CTIF: variants seen among roughly 807,000 people sequenced by gnomAD.
CTIF encodes the protein cap binding complex dependent translation initiation factor.
CTIF carries 21 observed loss-of-function variants against 66.0 expected under a neutral mutation model. That is an observed-to-expected ratio of 0.32 (90% CI 0.23 to 0.46). The LOEUF (loss-of-function observed/expected upper bound fraction) is 0.46. Among genes scored for constraint, CTIF ranks in the 20% least tolerant of loss-of-function variants. The probability of loss-of-function intolerance (pLI) is 1.00; values close to 1 mark genes in which losing one functional copy is unlikely to be tolerated. For missense variants in CTIF, 739 were observed against 812.7 expected, an observed-to-expected ratio of 0.91 and a Z score of 1.10; for synonymous variants, 345 against 326.4, an observed-to-expected ratio of 1.06 and a Z score of -0.62.
chr18:48,630,002 G>A (rs974812796), intron 2 of CTIF, among the ~76,000 whole-genome samples: 2 of 152,008 alleles, frequency 1.3e-5, no homozygotes, highest in East Asian at 1.9e-4. Flanking sequence ...AGTTACCCAC[G>A]GTCAACTACA....
At chr18:48,717,825 CAAGCA>C (rs1235659390) in intron 7 of CTIF, among the ~76,000 whole-genome samples, 1 of 152,168 alleles carries the variant, frequency 6.6e-6, no homozygotes, top group Non-Finnish European at 1.5e-5. Flanking sequence ...CTCCTGGCCT[CAAGCA>C]ATCCTCCTGC....
chr18:48,792,370 G>A lies in CTIF; in HGVS notation c.1372-24851G>A, dbSNP rs539493666. On this transcript the variant is annotated intron_variant, in intron 9 of 11. Coordinates refer to ENST00000256413, the MANE Select transcript of CTIF (RefSeq NM_014772.3). Reference sequence around the variant, plus strand: ...CTGGGATCTATAGGCTCACAAGGACGAGATTAGCTCTGAGAGGGGTGGGAT... The same window carrying A: ...CTGGGATCTATAGGCTCACAAGGACAAGATTAGCTCTGAGAGGGGTGGGAT... 2.7e-4 allele frequency among the ~76,000 whole-genome samples: 41 copies of A among 152,296 alleles called. No homozygotes were observed. In the South Asian group the frequency reaches 8.5e-3, roughly 32 times the overall value.
intron 1 of CTIF, among the ~76,000 whole-genome samples, chr18:48,573,534 A>G (rs556294296): frequency 1.7e-4 from 26 of 152,368 alleles, no homozygotes; most frequent in African/African-American, 5.8e-4. Context: ...ATTTAACAAG[A>G]TAAGTTTCAA....
chr18:48,747,211 G>A (rs1455842412), intron 7 of CTIF, among the ~76,000 whole-genome samples: 7 of 152,212 alleles, frequency 4.6e-5, no homozygotes, highest in African/African-American at 7.2e-5. Context: ...TCATTCGTTA[G>A]CTCAAACGTG....
intron 10 of CTIF, among the ~76,000 whole-genome samples, chr18:48,828,346 T>C (rs916113978): frequency 3.3e-5 from 5 of 152,140 alleles, no homozygotes; most frequent in African/African-American, 7.2e-5. Context: ...AATACAGAGA[T>C]TCAGAATGCA....
chr18:48,719,643 G>T (rs2092313985), intron 7 of CTIF, among the ~76,000 whole-genome samples: 1 of 152,170 alleles, frequency 6.6e-6, no homozygotes, highest in Non-Finnish European at 1.5e-5. Flanking sequence ...TGCCTGACCT[G>T]CAAGATCCCA....
At chr18:48,843,497 C>G (rs1233058491) in intron 10 of CTIF, among the ~76,000 whole-genome samples, 1 of 151,982 alleles carries the variant, frequency 6.6e-6, no homozygotes, top group Non-Finnish European at 1.5e-5. Context: ...GCCTCTCGAG[C>G]CCTCCTCCCC....
intron 9 of CTIF, among the ~76,000 whole-genome samples, chr18:48,780,982 A>G (rs1911154130): frequency 6.6e-6 from 1 of 152,150 alleles, no homozygotes; most frequent in South Asian, 2.1e-4. Context: ...ATCGCAAAAG[A>G]CTAGCAAGCC....
At chr18:48,625,975 C>T (rs1156767764) in intron 2 of CTIF, among the ~76,000 whole-genome samples, 1 of 149,980 alleles carries the variant, frequency 6.7e-6, no homozygotes, top group East Asian at 1.9e-4. Context: ...CATTTTAATT[C>T]ACATTGTCTT....
At chr18:48,857,247 G>A (rs1319366434) in intron 10 of CTIF, among the ~76,000 whole-genome samples, 1 of 152,238 alleles carries the variant, frequency 6.6e-6, no homozygotes, top group Middle Eastern at 3.2e-3. Context: ...CTGCTGACCA[G>A]TTGTTAACAC....
intron 6 of CTIF, among the ~76,000 whole-genome samples, chr18:48,671,084 G>A (rs2091526167): frequency 6.6e-6 from 1 of 152,194 alleles, no homozygotes; most frequent in Non-Finnish European, 1.5e-5. Context: ...GTCCTGTGGT[G>A]TGTTCAGGTG....
intron 9 of CTIF, among the ~76,000 whole-genome samples, chr18:48,786,683 T>C (rs1251062223): frequency 6.6e-6 from 1 of 152,170 alleles, no homozygotes; most frequent in Non-Finnish European, 1.5e-5. Flanking sequence ...TTTAAGTCAA[T>C]GTTTGCCCTT....
chr18:48,592,592 T>C (rs1305842824), intron 1 of CTIF, among the ~76,000 whole-genome samples: 2 of 151,890 alleles, frequency 1.3e-5, no homozygotes, highest in Non-Finnish European at 2.9e-5. Context: ...CTTGGCCTCA[T>C]GGGAGAAGCT....
chr18:48,556,172 G>A (rs991720947), intron 1 of CTIF, among the ~76,000 whole-genome samples: 9 of 152,150 alleles, frequency 5.9e-5, no homozygotes, highest in African/African-American at 1.9e-4. Flanking sequence ...TGAGTGCTCC[G>A]GATCGTCTCA....
intron 1 of CTIF, among the ~76,000 whole-genome samples, chr18:48,598,813 C>T (rs2144099085): frequency 6.6e-6 from 1 of 152,302 alleles, no homozygotes; most frequent in East Asian, 1.9e-4. Context: ...TTTATGGGGA[C>T]TATCTTCCTT....
At chr18:48,683,198 A>G (rs906097213) in intron 6 of CTIF, 2 of 152,168 alleles carry the variant, frequency 1.3e-5, no homozygotes, top group Admixed American at 6.5e-5. Flanking sequence ...CAAAGAGAAT[A>G]ATCCAAAGTT....
chr18:48,713,285 G>A, intron 7 of CTIF, among the ~76,000 whole-genome samples: 1 of 152,174 alleles, frequency 6.6e-6, no homozygotes, highest in East Asian at 1.9e-4. Context: ...TCTGGGAGGT[G>A]TGGAGAGTCC....
chr18:48,778,861 G>C (rs973214337), intron 9 of CTIF, among the ~76,000 whole-genome samples: 1 of 152,194 alleles, frequency 6.6e-6, no homozygotes, highest in Non-Finnish European at 1.5e-5. Context: ...CCAGCAGGTC[G>C]CGCTGGTCCC....
intron 10 of CTIF, among the ~76,000 whole-genome samples, chr18:48,852,123 A>G (rs2069215874): frequency 6.7e-6 from 1 of 149,314 alleles, no homozygotes; most frequent in Non-Finnish European, 1.5e-5. Flanking sequence ...GCTCCCAGTT[A>G]CTTGGGAGGC....
Sources: gnomAD v4.1 joint callset for allele counts (sites outside exome capture counted in the v4.1 genomes callset) on GRCh38, gnomAD v4.1.1 for gene constraint, MANE v1.5 for transcripts, NCBI Gene and HGNC (gene_info 2026-07-23, HGNC 2026-07-21) for gene names.